TGFA: variants seen among roughly 807,000 people sequenced by gnomAD.
TGFA encodes protransforming growth factor alpha.
TGFA carries 12 observed loss-of-function variants against 21.7 expected under a neutral mutation model. That is an observed-to-expected ratio of 0.55 (90% CI 0.35 to 0.90). The LOEUF (loss-of-function observed/expected upper bound fraction) is 0.90, where lower values mean the gene tolerates loss of function less well. Among genes scored for constraint, TGFA ranks in the 40% least tolerant of loss-of-function variants. The pLI is 0.01. For synonymous variants in TGFA, 79 were observed against 88.1 expected (o/e 0.90, Z 0.58); for missense variants, 178 against 210.8 (o/e 0.84, Z 0.96).
rs1313024650 is a variant in TGFA at position 70,457,019 on chromosome 2, TC to T, written c.216-532del. On this transcript the variant is annotated intron_variant, in intron 3 of 5. Coordinates refer to ENST00000295400, the MANE Select transcript of TGFA (RefSeq NM_003236.4). ...CCTGGTCATTGTAGGACTGGAGAAATCACTACTCTCCTGTGAACTCTGGTGT... is the reference window on the plus strand; with the variant it reads ...CCTGGTCATTGTAGGACTGGAGAAATACTACTCTCCTGTGAACTCTGGTGT... Among the ~76,000 whole-genome samples, 10 of 152,110 alleles carry T rather than the reference TC, an allele frequency of 6.6e-5. 1 individual carries two copies. Among genetic ancestry groups the T allele is most frequent in the Admixed American group, 1.3e-4 (2 of 15,268 alleles).
intron 2 of TGFA, among the ~76,000 whole-genome samples, chr2:70,480,588 T>C (rs1447579258): frequency 2.6e-5 from 4 of 152,164 alleles, no homozygotes; most frequent in African/African-American, 9.7e-5. Context: ...GTTTTCTACA[T>C]TATATGCCCA....
chr2:70,516,270 T>C (rs1648887701), intron 1 of TGFA, among the ~76,000 whole-genome samples: 3 of 152,240 alleles, frequency 2.0e-5, no homozygotes, highest in Non-Finnish European at 4.4e-5. Flanking sequence ...AAGTTCTGTC[T>C]GTTACAGGAT....
chr2:70,454,319 G>A (rs1336065693), intron 4 of TGFA, among the ~76,000 whole-genome samples: 3 of 152,210 alleles, frequency 2.0e-5, no homozygotes, highest in Admixed American at 6.5e-5. Flanking sequence ...AGCTGCAAAG[G>A]TTACTGGAGC....
At chr2:70,501,546 G>T (rs1671738162) in intron 2 of TGFA, among the ~76,000 whole-genome samples, 1 of 152,136 alleles carries the variant, frequency 6.6e-6, no homozygotes, top group South Asian at 2.1e-4. Flanking sequence ...TTGGGCCAAA[G>T]AGCCCTTCAG....
At chr2:70,539,614 C>T (rs1395098755) in intron 1 of TGFA, among the ~76,000 whole-genome samples, 6 of 152,052 alleles carry the variant, frequency 3.9e-5, no homozygotes, top group African/African-American at 1.4e-4. Flanking sequence ...GCCATTATGC[C>T]CAGCTAATTT....
At chr2:70,455,035 C>T (rs79574040) in intron 4 of TGFA, among the ~76,000 whole-genome samples, 5,579 of 152,212 alleles carry the variant, frequency 0.037, 284 homozygotes, top group African/African-American at 0.13. Flanking sequence ...TCCTGCTCCT[C>T]GAGGAGGGCC....
intron 3 of TGFA, among the ~76,000 whole-genome samples, chr2:70,458,049 CTGAA>C (rs1670292331): frequency 2.0e-5 from 3 of 152,170 alleles, no homozygotes; most frequent in Non-Finnish European, 4.4e-5. Context: ...TCACAGAACT[CTGAA>C]TAAGAACACT....
chr2:70,544,341 A>G (rs1292263863), intron 1 of TGFA, among the ~76,000 whole-genome samples: 2 of 151,796 alleles, frequency 1.3e-5, no homozygotes, highest in African/African-American at 4.8e-5. Context: ...AAGATATTTA[A>G]TAAGAGATTA....
intron 1 of TGFA, among the ~76,000 whole-genome samples, chr2:70,528,475 A>G (rs1672708745): frequency 2.8e-5 from 2 of 71,096 alleles, no homozygotes; most frequent in Non-Finnish European, 5.2e-5. Flanking sequence ...GGCATGGAAA[A>G]GGCAGGGGTT....
intron 3 of TGFA, among the ~76,000 whole-genome samples, chr2:70,463,248 TG>T (rs1670456881): frequency 6.6e-6 from 1 of 152,186 alleles, no homozygotes; most frequent in South Asian, 2.1e-4. Context: ...TGCAGAGTGC[TG>T]GGTACCATGC....
chr2:70,548,178 C>G (rs1215848084), intron 1 of TGFA, among the ~76,000 whole-genome samples: 2 of 152,156 alleles, frequency 1.3e-5, no homozygotes, highest in Non-Finnish European at 2.9e-5. Flanking sequence ...AACATGAACA[C>G]CACCAAGTGT....
intron 1 of TGFA, among the ~76,000 whole-genome samples, chr2:70,535,161 T>C (rs1254367706): frequency 6.6e-6 from 1 of 152,136 alleles, no homozygotes; most frequent in Admixed American, 6.5e-5. Flanking sequence ...CTTCTAACTA[T>C]TGGCCATTAT....
At chr2:70,457,704 G>C (rs1408197580) in intron 3 of TGFA, among the ~76,000 whole-genome samples, 1 of 151,950 alleles carries the variant, frequency 6.6e-6, no homozygotes, top group Non-Finnish European at 1.5e-5. Context: ...ACCATGCCTG[G>C]CTAATTTTTG....
chr2:70,546,640 ATTTTTCT>A (rs1305267635), intron 1 of TGFA, among the ~76,000 whole-genome samples: 19 of 150,184 alleles, frequency 1.3e-4, no homozygotes, highest in Middle Eastern at 3.4e-3. Context: ...CACCCCGCTA[ATTTTTCT>A]TTTTTCTTTT....
intron 1 of TGFA, among the ~76,000 whole-genome samples, chr2:70,518,876 C>T (rs1386532620): frequency 6.6e-6 from 1 of 152,236 alleles, no homozygotes; most frequent in African/African-American, 2.4e-5. Flanking sequence ...ATGTACTCCA[C>T]TGCATGGATC....
intron 2 of TGFA, among the ~76,000 whole-genome samples, chr2:70,484,525 C>T (rs1331500074): frequency 5.9e-5 from 9 of 152,222 alleles, no homozygotes; most frequent in Non-Finnish European, 1.2e-4. Flanking sequence ...TTCATAACAG[C>T]ACTCAGGTTT....
intron 1 of TGFA, among the ~76,000 whole-genome samples, chr2:70,552,899 G>A (rs1673557514): frequency 6.6e-6 from 1 of 152,228 alleles, no homozygotes; most frequent in Admixed American, 6.5e-5. Context: ...AGCACAAGGG[G>A]CAAGAATTGG....
At position 70,450,041 on chromosome 2, in the gene TGFA, C is replaced by T. The variant is rs1309189341; in HGVS notation, c.*818G>A. 2 of 152,194 alleles carry T rather than the reference C, an allele frequency of 1.3e-5. No individual in the cohort carries two copies. The highest frequency in any genetic ancestry group is 2.1e-4 in the South Asian group (1 of 4,812). The allele number at this position is 152,194 out of a possible 1,614,324, so 9.4% of individuals were successfully genotyped here. A position where few individuals can be genotyped will look rare whatever the true frequency, so the allele number is the denominator to read the frequency against. On this transcript the variant is annotated 3_prime_UTR_variant, in exon 6 of 6. Coordinates refer to ENST00000295400, the MANE Select transcript of TGFA (RefSeq NM_003236.4). ...CCATTTCTGAACCCCTACCTTTATT[C>T]CTACCAGTAACCCAGCCTCTGGTTC...
intron 2 of TGFA, among the ~76,000 whole-genome samples, chr2:70,484,379 A>G (rs1243183450): frequency 6.6e-6 from 1 of 152,230 alleles, no homozygotes; most frequent in Non-Finnish European, 1.5e-5. Context: ...AATTTCTTAG[A>G]TCAACCATCT....
Sources: gnomAD v4.1 joint callset for allele counts (sites outside exome capture counted in the v4.1 genomes callset) on GRCh38, gnomAD v4.1.1 for gene constraint, MANE v1.5 for transcripts, NCBI Gene and HGNC (gene_info 2026-07-23, HGNC 2026-07-21) for gene names.